Variants in MAGI1 observed in about 807,000 individuals in gnomAD.
MAGI1 encodes the protein membrane associated guanylate kinase, WW and PDZ domain containing 1.
Under a neutral mutation model 139.9 loss-of-function variants are expected in MAGI1, and 58 were observed. That is an observed-to-expected ratio of 0.41 (90% CI 0.34 to 0.52). The LOEUF (loss-of-function observed/expected upper bound fraction) is 0.52. MAGI1 is among the 20% of genes least tolerant of loss of function. MAGI1 has a pLI of 0.12. For synonymous variants in MAGI1, 812 were observed against 737.9 expected, an observed-to-expected ratio of 1.10 and a Z score of -1.63; for missense variants, 1,874 against 1,901.6, an observed-to-expected ratio of 0.99 and a Z score of 0.27.
At chr3:65,742,108 G>A (rs1025113254) in intron 1 of MAGI1, among the ~76,000 whole-genome samples, 4 of 152,060 alleles carry the variant, frequency 2.6e-5, no homozygotes, top group Non-Finnish European at 4.4e-5. Context: ...AAAATGCTTA[G>A]AATTCTACAA....
intron 1 of MAGI1, among the ~76,000 whole-genome samples, chr3:65,719,462 T>A (rs2032731649): frequency 6.6e-6 from 1 of 152,068 alleles, no homozygotes; most frequent in African/African-American, 2.4e-5. Flanking sequence ...TGAACACTGT[T>A]ATATATAAAT....
At position 65,641,714 on chromosome 3, in the gene MAGI1, G is replaced by A. The variant is rs186564754; in HGVS notation, c.314-19626C>T. Among the ~76,000 whole-genome samples the A allele has an allele frequency of 2.4e-3, 368 of 152,258 alleles. 1 individual carries two copies. Among genetic ancestry groups the A allele is most frequent in the Non-Finnish European group, 4.4e-3 (299 of 68,024 alleles). On this transcript the variant is annotated intron_variant, in intron 1 of 22. Coordinates refer to ENST00000402939, the MANE Select transcript of MAGI1 (RefSeq NM_001033057.2). Reference sequence around the variant, plus strand: ...CACCCTCTTAGAGTCACAGCCCTGGGAATTTAAATCGTGTTTCTGCCTGCC... The same window carrying A: ...CACCCTCTTAGAGTCACAGCCCTGGAAATTTAAATCGTGTTTCTGCCTGCC...
rs144017166 is a variant in MAGI1, at chr3:65,647,351, T to C, written c.314-25263A>G. On this transcript the variant is annotated intron_variant, in intron 1 of 22. Coordinates refer to ENST00000402939, the MANE Select transcript of MAGI1 (RefSeq NM_001033057.2). Reference sequence around the variant, plus strand: ...GACAGTCTGAAAGCTGTTAGGCAAATTGAAGAGAAAACAAGATTTCCCAAT... The same window carrying C: ...GACAGTCTGAAAGCTGTTAGGCAAACTGAAGAGAAAACAAGATTTCCCAAT... 7.9e-5 allele frequency among the ~76,000 whole-genome samples: 12 copies of C among 152,224 alleles called. No homozygotes were observed. In the South Asian group the frequency reaches 1.0e-3, roughly 13 times the overall value.
intron 1 of MAGI1, among the ~76,000 whole-genome samples, chr3:65,623,982 G>A (rs1171450891): frequency 6.6e-6 from 1 of 152,066 alleles, no homozygotes; most frequent in African/African-American, 2.4e-5. Context: ...TGAACAGACA[G>A]TTCACAATGG....
chr3:65,996,765 G>A (rs940998185), intron 1 of MAGI1, among the ~76,000 whole-genome samples: 1 of 152,214 alleles, frequency 6.6e-6, no homozygotes, highest in Non-Finnish European at 1.5e-5. Flanking sequence ...CCATCGGAGG[G>A]CCGGGCACTC....
At chr3:65,701,412 C>T (rs1162115659) in intron 1 of MAGI1, among the ~76,000 whole-genome samples, 2 of 152,142 alleles carry the variant, frequency 1.3e-5, no homozygotes, top group African/African-American at 2.4e-5. Flanking sequence ...ACCACCACAC[C>T]CAGCTAATTT....
intron 1 of MAGI1, 125 bp downstream of exon 1, chr3:66,037,871 G>T: frequency 6.8e-7 from 1 of 1,461,466 alleles, no homozygotes; most frequent in African/African-American, 1.4e-5. Context: ...GCCACCACAG[G>T]GCGCACGGCC....
rs1940212184 is a variant in MAGI1, at chr3:65,356,635, G to A, written c.4132C>T (p.Leu1378=). ...CGCTCGGGGGACCTCCTCTGCTCCA[G>A]GAGTCTCTCCAGAGACCGTCTCCGC... The part of the protein sequence containing the change: ...SRRRRSLERL[L]EQRRSPERRR... The change falls in exon 23 of 23, where the codon CTG becomes TTG. Residue 1378 remains leucine, a synonymous_variant. Coordinates refer to ENST00000402939, the MANE Select transcript of MAGI1 (RefSeq NM_001033057.2). The A allele has an allele frequency of 1.3e-6, 2 of 1,589,094 alleles. No individual in the cohort carries two copies. Among genetic ancestry groups the A allele is most frequent in the South Asian group, 1.1e-5 (1 of 87,976 alleles).
At chr3:65,680,626 G>T (rs1394841588) in intron 1 of MAGI1, among the ~76,000 whole-genome samples, 1 of 152,060 alleles carries the variant, frequency 6.6e-6, no homozygotes, top group Non-Finnish European at 1.5e-5. Context: ...TTGCTATGTT[G>T]TCCAGGCTGG....
chr3:65,815,694 AAAT>A (rs2041556656), intron 1 of MAGI1, among the ~76,000 whole-genome samples: 1 of 152,140 alleles, frequency 6.6e-6, no homozygotes, highest in Non-Finnish European at 1.5e-5. Context: ...TGAAATATTA[AAAT>A]TATATCATAA....
chr3:65,953,854 A>G (rs958318885), intron 1 of MAGI1, among the ~76,000 whole-genome samples: 1 of 152,222 alleles, frequency 6.6e-6, no homozygotes, highest in Non-Finnish European at 1.5e-5. Flanking sequence ...TTCGTTAGGT[A>G]AAATTTAACT....
chr3:65,445,848 A>T (rs1229337949), intron 7 of MAGI1, among the ~76,000 whole-genome samples: 1 of 152,224 alleles, frequency 6.6e-6, no homozygotes, highest in African/African-American at 2.4e-5. Context: ...GGCCGATTAC[A>T]AAGAGGGTTT....
chr3:65,706,313 G>C (rs2107630968), intron 1 of MAGI1, among the ~76,000 whole-genome samples: 1 of 152,314 alleles, frequency 6.6e-6, no homozygotes, highest in East Asian at 1.9e-4. Context: ...CTGTTGACAT[G>C]AATGAGCTAA....
intron 5 of MAGI1, among the ~76,000 whole-genome samples, chr3:65,465,066 G>A (rs1372429581): frequency 6.7e-6 from 1 of 149,560 alleles, no homozygotes; most frequent in Non-Finnish European, 1.5e-5. Flanking sequence ...CGCTTTGACT[G>A]AAGTAGATAA....
chr3:65,738,376 T>C (rs2034966457), intron 1 of MAGI1, among the ~76,000 whole-genome samples: 1 of 152,206 alleles, frequency 6.6e-6, no homozygotes, highest in Admixed American at 6.5e-5. Context: ...TGTGGTCTCA[T>C]TGTATTGCCA....
chr3:65,866,637 A>G (rs537597281), intron 1 of MAGI1, among the ~76,000 whole-genome samples: 1 of 152,216 alleles, frequency 6.6e-6, no homozygotes, highest in South Asian at 2.1e-4. Flanking sequence ...TTATATATAT[A>G]CATAGGGCTG....
intron 2 of MAGI1, among the ~76,000 whole-genome samples, chr3:65,530,412 T>C (rs1367630988): frequency 6.6e-6 from 1 of 151,824 alleles, no homozygotes; most frequent in Non-Finnish European, 1.5e-5. Context: ...CCAGGAGTTC[T>C]AGACTAGCCT....
intron 2 of MAGI1, among the ~76,000 whole-genome samples, chr3:65,506,929 T>G (rs2077312477): frequency 6.6e-6 from 1 of 152,212 alleles, no homozygotes. Context: ...TCGTTCTCAG[T>G]TGACATAGGC....
At chr3:65,680,698 G>T (rs2087524538) in intron 1 of MAGI1, among the ~76,000 whole-genome samples, 1 of 152,118 alleles carries the variant, frequency 6.6e-6, no homozygotes, top group Non-Finnish European at 1.5e-5. Flanking sequence ...TAGGATTGCA[G>T]GAGTGAGCCT....
Sources: allele counts gnomAD v4.1 joint callset (sites outside exome capture counted in the v4.1 genomes callset), GRCh38; gene constraint gnomAD v4.1.1; transcripts MANE v1.5; gene names NCBI Gene and HGNC (gene_info 2026-07-23, HGNC 2026-07-21).